Variants in DCC observed in about 807,000 individuals in gnomAD.
The protein encoded by DCC is netrin receptor DCC.
DCC carries 58 observed loss-of-function variants against 172.5 expected under a neutral mutation model. The ratio of observed to expected loss-of-function variants is 0.34; its 90% CI spans 0.27 to 0.42. The LOEUF (loss-of-function observed/expected upper bound fraction) is 0.42. DCC is among the 10% of genes least tolerant of loss of function. The pLI is 1.00. For missense variants in DCC, 1,740 were observed against 1,791.0 expected (o/e 0.97, Z 0.51); for synonymous variants, 709 against 644.5 (o/e 1.10, Z -1.52).
intron 1 of DCC, among the ~76,000 whole-genome samples, chr18:52,534,213 T>C (rs1001339670): frequency 6.6e-6 from 1 of 152,160 alleles, no homozygotes; most frequent in Admixed American, 6.5e-5. Context: ...AGGCACTGTA[T>C]TAGATATTTG....
At chr18:52,942,810 T>C (rs2040484891) in intron 5 of DCC, among the ~76,000 whole-genome samples, 1 of 152,194 alleles carries the variant, frequency 6.6e-6, no homozygotes. Context: ...CCATATCACT[T>C]ACCAATTTGA....
At chr18:53,124,155 A>C (rs1414383434) in intron 7 of DCC, among the ~76,000 whole-genome samples, 1 of 152,046 alleles carries the variant, frequency 6.6e-6, no homozygotes, top group Non-Finnish European at 1.5e-5. Context: ...TTTTGTTCTT[A>C]ACCAATTGCT....
chr18:52,468,989 T>C (rs1476885190), intron 1 of DCC, among the ~76,000 whole-genome samples: 3 of 152,168 alleles, frequency 2.0e-5, no homozygotes, highest in Non-Finnish European at 4.4e-5. Flanking sequence ...AACTAATATA[T>C]GCTGAATTTA....
intron 12 of DCC, among the ~76,000 whole-genome samples, chr18:53,217,986 A>T (rs1042213638): frequency 6.6e-6 from 1 of 151,992 alleles, no homozygotes; most frequent in Non-Finnish European, 1.5e-5. Context: ...CTGGTACTAC[A>T]GGCATGCAAC....
chr18:52,419,856 A>G (rs922143191), intron 1 of DCC, among the ~76,000 whole-genome samples: 1 of 152,202 alleles, frequency 6.6e-6, no homozygotes, highest in African/African-American at 2.4e-5. Context: ...TAGTTTCATA[A>G]GAACATATAC....
chr18:53,313,701 G>A (rs1277774695), intron 13 of DCC, among the ~76,000 whole-genome samples: 12 of 152,192 alleles, frequency 7.9e-5, no homozygotes. Flanking sequence ...ATCATAGATA[G>A]ATATTTCTTC....
At chr18:52,762,379 C>T (rs2037175536) in intron 2 of DCC, among the ~76,000 whole-genome samples, 1 of 151,556 alleles carries the variant, frequency 6.6e-6, no homozygotes, top group African/African-American at 2.4e-5. Context: ...GAGGCTGAGG[C>T]AGAAGGATCA....
chr18:52,586,515 A>T (rs1444607192), intron 1 of DCC, among the ~76,000 whole-genome samples: 3 of 152,098 alleles, frequency 2.0e-5, no homozygotes, highest in Non-Finnish European at 4.4e-5. Flanking sequence ...TGGCAATCTT[A>T]ACTTCCAGTT....
intron 13 of DCC, among the ~76,000 whole-genome samples, chr18:53,312,524 A>C (rs1055184516): frequency 2.2e-5 from 1 of 46,244 alleles, no homozygotes; most frequent in African/African-American, 1.3e-4. Flanking sequence ...TTCAAAATAT[A>C]CATACAAAAA....
intron 15 of DCC, among the ~76,000 whole-genome samples, chr18:53,346,285 A>G (rs939982180): frequency 2.0e-5 from 3 of 152,094 alleles, no homozygotes; most frequent in African/African-American, 2.4e-5. Context: ...ATTTTTTACT[A>G]TATCTTGCCT....
intron 23 of DCC, among the ~76,000 whole-genome samples, chr18:53,453,620 G>A (rs964710189): frequency 6.6e-6 from 1 of 152,142 alleles, no homozygotes; most frequent in African/African-American, 2.4e-5. Context: ...AGGCTATCCA[G>A]TTGATTCAGA....
At chr18:53,059,755 T>C (rs982196842) in intron 5 of DCC, among the ~76,000 whole-genome samples, 5 of 152,116 alleles carry the variant, frequency 3.3e-5, no homozygotes, top group African/African-American at 9.7e-5. Context: ...TTCCATGGCA[T>C]TATCCGAACT....
intron 1 of DCC, among the ~76,000 whole-genome samples, chr18:52,370,238 A>T (rs575076851): frequency 6.6e-6 from 1 of 152,338 alleles, no homozygotes; most frequent in Non-Finnish European, 1.5e-5. Flanking sequence ...TATGTACCCG[A>T]AGGAATATAA....
chr18:52,791,932 T>C (rs1158953898), intron 2 of DCC, among the ~76,000 whole-genome samples: 1 of 152,172 alleles, frequency 6.6e-6, no homozygotes, highest in East Asian at 1.9e-4. Context: ...TGGGATAGTA[T>C]TGACACTAAA....
intron 2 of DCC, among the ~76,000 whole-genome samples, chr18:52,834,728 T>C (rs993664344): frequency 6.6e-6 from 1 of 152,296 alleles, no homozygotes; most frequent in Non-Finnish European, 1.5e-5. Flanking sequence ...AAAAGAAATA[T>C]GTTTTCTTAG....
At chr18:53,094,970 TATC>T (rs1389709748) in intron 7 of DCC, among the ~76,000 whole-genome samples, 1 of 152,204 alleles carries the variant, frequency 6.6e-6, no homozygotes, top group Non-Finnish European at 1.5e-5. Context: ...AATGAAAGCT[TATC>T]ATTTATGATT....
chr18:52,863,008 A>G lies in DCC; in HGVS notation c.413-43036A>G, dbSNP rs190332235. On this transcript the variant is annotated intron_variant, in intron 2 of 28. Transcript: ENST00000442544. Reference sequence around the variant, plus strand: ...GCTAATTTTAATAAAATTTATTTCAATTAGCTTTGACCAGAGAAGATATTC... The same window carrying G: ...GCTAATTTTAATAAAATTTATTTCAGTTAGCTTTGACCAGAGAAGATATTC... Among the ~76,000 whole-genome samples the G allele has an allele frequency of 2.2e-3, 330 of 152,234 alleles. 2 individuals carry two copies. The highest frequency in any genetic ancestry group is 7.4e-3 in the African/African-American group (308 of 41,576).
chr18:52,933,974 G>T (rs146389229), intron 5 of DCC, among the ~76,000 whole-genome samples: 107 of 152,124 alleles, frequency 7.0e-4, no homozygotes, highest in Middle Eastern at 3.4e-3. Flanking sequence ...TGGGTGTTCT[G>T]GGAAATAAAG....
At chr18:53,290,928 G>A (rs2056996047) in intron 12 of DCC, among the ~76,000 whole-genome samples, 1 of 152,142 alleles carries the variant, frequency 6.6e-6, no homozygotes, top group Admixed American at 6.6e-5. Context: ...CAGCACTTTG[G>A]GAGGCTGAGG....
Sources: allele counts gnomAD v4.1 joint callset (sites outside exome capture counted in the v4.1 genomes callset), GRCh38; gene constraint gnomAD v4.1.1; transcripts MANE v1.5; gene names NCBI Gene and HGNC (gene_info 2026-07-23, HGNC 2026-07-21).